The following TRANK1 variants were observed in gnomAD, a reference collection of about 807,000 sequenced individuals.
TRANK1 encodes TPR and ankyrin repeat-containing protein 1.
TRANK1 carries 198 observed loss-of-function variants against 266.0 expected under a neutral mutation model. The ratio of observed to expected loss-of-function variants is 0.74; its 90% confidence interval spans 0.66 to 0.84. TRANK1 has a LOEUF of 0.84. Among genes scored for constraint, TRANK1 ranks in the 40% least tolerant of loss-of-function variants. The pLI, the probability that TRANK1 is intolerant of heterozygous loss-of-function variation, is 0.00. For synonymous variants in TRANK1, 1,396 were observed against 1,384.1 expected, an observed-to-expected ratio of 1.01 and a Z score of -0.19; for missense variants, 3,326 against 3,634.6, an observed-to-expected ratio of 0.92 and a Z score of 2.18.
intron 9 of TRANK1, among the ~76,000 whole-genome samples, chr3:36,870,411 A>C (rs1370523306): frequency 7.5e-6 from 1 of 134,012 alleles, no homozygotes; most frequent in South Asian, 2.3e-4. Context: ...CTGTTTCAAA[A>C]AAAAAAAAAA....
intron 1 of TRANK1, among the ~76,000 whole-genome samples, chr3:36,921,992 A>T (rs1359200361): frequency 9.2e-5 from 14 of 152,282 alleles, no homozygotes; most frequent in Middle Eastern, 3.4e-3. Context: ...AATAAAAATT[A>T]AAAAATTAGC....
At position 36,899,158 on chromosome 3, in the gene TRANK1, G is replaced by A; in HGVS notation, c.384C>T (p.Asp128=). ...EGLRLVQRSQ[D]QAPVADFLVG... ...CAAGGAAATCAGCAACCGGTGCCTG[G>A]TCTTGGCTTCTCTGCACAAGTCGCA... Residue 128 remains aspartate (D), a synonymous_variant, in exon 4 of 24, where the codon GAC becomes GAT. Transcript: ENST00000645898. The A allele has an allele frequency of 6.5e-7, 1 of 1,537,276 alleles. No homozygotes were observed. The highest frequency in any genetic ancestry group is 1.2e-5 in the South Asian group (1 of 84,060).
At chr3:36,863,649 G>A (rs974430556) in intron 10 of TRANK1, among the ~76,000 whole-genome samples, 2 of 152,186 alleles carry the variant, frequency 1.3e-5, no homozygotes, top group African/African-American at 4.8e-5. Flanking sequence ...CCTACCCAAG[G>A]CAAGGGGATG....
intron 8 of TRANK1, among the ~76,000 whole-genome samples, chr3:36,883,819 G>T (rs992344998): frequency 6.6e-6 from 1 of 152,032 alleles, no homozygotes; most frequent in African/African-American, 2.4e-5. Context: ...CAGGATGTGG[G>T]GCAAATCCTA....
At position 36,856,379 on chromosome 3, in the gene TRANK1, G is replaced by A; in HGVS notation, c.3343C>T (p.Leu1115=). 2.5e-6 allele frequency: 4 copies of A among 1,593,738 alleles called. No individual in the cohort carries two copies. Among genetic ancestry groups the A allele is most frequent in the Non-Finnish European group, 3.4e-6 (4 of 1,169,972 alleles). ...GGTTCCACTTCCAACCTTCTCTTCA[G>A]CCAGACCTGTTTGGCCAGCAATGGG... ...GSPLLAKQVW[L]KRRLEVEPGK... is the part of the protein sequence containing the mutation. The change falls in exon 13 of 24, where the codon CTG becomes TTG. Residue 1115 remains leucine (L), a synonymous_variant. Transcript: ENST00000645898.
intron 8 of TRANK1, among the ~76,000 whole-genome samples, chr3:36,875,425 A>G (rs1447200217): frequency 1.3e-5 from 2 of 152,242 alleles, no homozygotes; most frequent in African/African-American, 4.8e-5. Context: ...TGGGATCTCA[A>G]TCCAACAATG....
Position 36,900,851 on chromosome 3 carries a change from CAAAAAA to C in TRANK1, c.283-1598_283-1593del, listed in dbSNP as rs138198488. Among the ~76,000 whole-genome samples, 262 of 63,012 alleles carry C rather than the reference CAAAAAA, an allele frequency of 4.2e-3. 2 individuals carry two copies. The highest frequency in any genetic ancestry group is 7.4e-3 in the Non-Finnish European group (223 of 30,030). 41.3% of individuals were successfully genotyped at this position (63,012 alleles called of 152,430 possible). On this transcript the variant is annotated intron_variant, in intron 3 of 23. Coordinates refer to ENST00000645898, the MANE Select transcript of TRANK1 (RefSeq NM_001329998.2). ...TGGGTGACAAAGCAAGACCCTGTCT[CAAAAAA>C]AAAAAAAAAAAAAAAAAAAGATAAC...
At chr3:36,903,038 G>T in intron 3 of TRANK1, 111 bp downstream of exon 3, 1 of 1,380,478 alleles carries the variant, frequency 7.2e-7, no homozygotes, top group Non-Finnish European at 9.6e-7. Context: ...GGCAGCAGCT[G>T]CCACCCCCAG....
At chr3:36,932,041 T>C (rs947964264) in intron 1 of TRANK1, among the ~76,000 whole-genome samples, 1 of 152,218 alleles carries the variant, frequency 6.6e-6, no homozygotes, top group Admixed American at 6.5e-5. Flanking sequence ...GATTCTTGAA[T>C]TACATAAATT....
intron 20 of TRANK1, among the ~76,000 whole-genome samples, chr3:36,837,008 TC>T (rs1477617106): frequency 1.3e-5 from 2 of 152,224 alleles, no homozygotes; most frequent in African/African-American, 4.8e-5. Context: ...GCCCTACTGA[TC>T]TGGCCCTGCC....
intron 13 of TRANK1, among the ~76,000 whole-genome samples, chr3:36,854,347 A>T (rs777752182): frequency 6.7e-6 from 1 of 150,174 alleles, no homozygotes; most frequent in Non-Finnish European, 1.5e-5. Flanking sequence ...GCAACAGAGC[A>T]AGACTCTATC....
At position 36,855,951 on chromosome 3, in the gene TRANK1, C is replaced by T. The variant is rs766014960; in HGVS notation, c.3771G>A (p.Leu1257=). 1.2e-6 allele frequency: 2 copies of T among 1,613,298 alleles called. No individual in the cohort carries two copies. Among genetic ancestry groups the T allele is most frequent in the East Asian group, 4.5e-5 (2 of 44,802 alleles). Residue 1257 remains leucine (L), a synonymous_variant, in exon 13 of 24, where the codon CTG becomes CTA. Transcript: ENST00000645898. The part of the protein sequence containing the change: ...KQLLLLLDAS[L]PKPFFLRNED... The stretch of plus-strand genomic sequence containing the variant: ...CGTTTCTCAGAAAAAATGGTTTGGG[C>T]AGAGAAGCATCAAGCAGAAGAAGCA...
rs1226003233 is a variant in TRANK1, at chr3:36,834,761, C to A, written c.5663+1G>T. On this transcript the variant is annotated splice_donor_variant, in intron 21 of 23. Coordinates refer to ENST00000645898, the MANE Select transcript of TRANK1 (RefSeq NM_001329998.2). LOFTEE classifies it high-confidence loss of function. The stretch of plus-strand genomic sequence containing the variant: ...GAAAGGGAGAGAATAAAACCACCTA[C>A]TTTTCCACTGCAATAGCAGCTTCTT... 2.6e-5 allele frequency: 42 copies of A among 1,609,364 alleles called. No homozygotes were observed. The highest frequency in any genetic ancestry group is 3.6e-5 in the Non-Finnish European group (42 of 1,178,590).
intron 2 of TRANK1, among the ~76,000 whole-genome samples, chr3:36,904,288 C>T (rs534010134): frequency 1.3e-4 from 19 of 151,006 alleles, no homozygotes; most frequent in Middle Eastern, 3.4e-3. Flanking sequence ...CGCAGCACTT[C>T]GGGAGGCCGA....
chr3:36,903,201 T>C lies in TRANK1; in HGVS notation c.230A>G (p.Glu77Gly). The change falls in exon 3 of 24, where the codon GAG (glutamate) becomes GGG (glycine). Residue 77 changes from glutamate to glycine, a missense_variant. Glu to Gly is a moderately conservative substitution (Grantham distance 98). Transcript: ENST00000645898. ...ACATTCCTTGGCAGCAACAAATGCC[T>C]CATTCCACTTCCCAAGGCTGAAAAA... ...NAFFSLGKWN[E>G]AFVAAKECLQ... 1.3e-6 allele frequency: 2 copies of C among 1,537,312 alleles called. No individual in the cohort carries two copies. Among genetic ancestry groups the C allele is most frequent in the Non-Finnish European group, 8.7e-7 (1 of 1,146,934 alleles).
Position 36,828,390 on chromosome 3 carries a change from A to AAGGG in TRANK1, c.8810-16_8810-15insCCCT. Reference sequence around the variant, plus strand: ...CTGAACAATACCTGAAGAAAGAAAGAAGGAAGGAAGGAAGGAAGGAAAGAA... The same window carrying AAGGG: ...CTGAACAATACCTGAAGAAAGAAAGAAGGGAGGAAGGAAGGAAGGAAGGAAAGAA... On this transcript the variant is annotated splice_polypyrimidine_tract_variant and intron_variant, in intron 23 of 23. Transcript: ENST00000645898. 9.5e-7 allele frequency: 1 copy of AAGGG among 1,050,314 alleles called. No homozygotes were observed. The highest frequency in any genetic ancestry group is 1.4e-6 in the Non-Finnish European group (1 of 704,114). 65.1% of individuals were successfully genotyped at this position (1,050,314 alleles called of 1,614,324 possible). A position where few individuals can be genotyped will look rare whatever the true frequency, so the allele number is the denominator to read the frequency against.
At chr3:36,841,526 G>A (rs2078844363) in intron 18 of TRANK1, among the ~76,000 whole-genome samples, 1 of 152,094 alleles carries the variant, frequency 6.6e-6, no homozygotes, top group African/African-American at 2.4e-5. Flanking sequence ...TTGCCTTTTG[G>A]CAGAACTTAC....
chr3:36,884,283 T>G (rs1409900927), intron 8 of TRANK1, among the ~76,000 whole-genome samples: 1 of 152,216 alleles, frequency 6.6e-6, no homozygotes, highest in African/African-American at 2.4e-5. Flanking sequence ...GACACTCCGC[T>G]TCGCAATGGC....
rs2125515543 is a variant in TRANK1, at chr3:36,838,461, C to G, written c.5428G>C (p.Glu1810Gln). The change falls in exon 20 of 24, where the codon GAG becomes CAG. Residue 1810 changes from glutamate (E) to glutamine (Q), a missense_variant. Coordinates refer to ENST00000645898, the MANE Select transcript of TRANK1 (RefSeq NM_001329998.2). ...EYLELAKTYL[E>Q]CKEPTLSLKC... ...AGGGACAGTGTTGGCTCTTTGCACT[C>G]CAAATAGGTCTTAGCCAATTCCAAA... 3.1e-6 allele frequency: 5 copies of G among 1,614,052 alleles called. No homozygotes were observed. The highest frequency in any genetic ancestry group is 4.2e-6 in the Non-Finnish European group (5 of 1,179,898).
Sources: allele counts gnomAD v4.1 joint callset (sites outside exome capture counted in the v4.1 genomes callset), GRCh38; gene constraint gnomAD v4.1.1; transcripts MANE v1.5; gene names NCBI Gene and HGNC (gene_info 2026-07-23, HGNC 2026-07-21).